COBL: variants seen among roughly 807,000 people sequenced by gnomAD.
COBL encodes the protein cordon-bleu WH2 repeat protein.
COBL carries 51 observed loss-of-function variants against 98.8 expected under a neutral mutation model. The ratio of observed to expected loss-of-function variants is 0.52; its 90% CI spans 0.41 to 0.65. The LOEUF (loss-of-function observed/expected upper bound fraction) is 0.65, where lower values mean the gene tolerates loss of function less well. Among genes scored for constraint, COBL ranks in the 30% least tolerant of loss-of-function variants. The pLI is 0.00. For synonymous variants in COBL, 634 were observed against 651.7 expected, an observed-to-expected ratio of 0.97 and a Z score of 0.41; for missense variants, 1,617 against 1,617.5, an observed-to-expected ratio of 1.00 and a Z score of 0.01.
At chr7:51,301,581 G>C (rs1055322011) in intron 1 of COBL, among the ~76,000 whole-genome samples, 1 of 152,240 alleles carries the variant, frequency 6.6e-6, no homozygotes, top group African/African-American at 2.4e-5. Flanking sequence ...ACACCTGAGT[G>C]TCGGTCTAAT....
intron 5 of COBL, among the ~76,000 whole-genome samples, chr7:51,145,593 G>A (rs1440661619): frequency 2.0e-5 from 3 of 151,758 alleles, no homozygotes; most frequent in African/African-American, 7.3e-5. Flanking sequence ...TGGCTAGGCT[G>A]GTGTCAAACT....
intron 1 of COBL, among the ~76,000 whole-genome samples, chr7:51,285,456 C>T (rs1800268877): frequency 6.7e-6 from 1 of 150,032 alleles, no homozygotes; most frequent in South Asian, 2.1e-4. Flanking sequence ...AGTCAACACA[C>T]AAAAATCAAG....
chr7:51,043,535 A>G lies in COBL; in HGVS notation c.1254T>C (p.Ser418=). The G allele has an allele frequency of 6.2e-7, 1 of 1,614,176 alleles. No individual in the cohort carries two copies. The highest frequency in any genetic ancestry group is 8.5e-7 in the Non-Finnish European group (1 of 1,180,028). ...TCATGCTGTCCTGCTGCGAGTCCAG[A>G]GAGACGATGTCTGAGGGGGAACTCA... The part of the protein sequence containing the change: ...GVMSSPSDIV[S]LDSQQDSMKY... Residue 418 remains serine, a synonymous_variant, in exon 8 of 13, where the codon TCT becomes TCC. Transcript: ENST00000265136.
chr7:51,034,621 A>G (rs1253861404), intron 8 of COBL: 1 of 152,236 alleles, frequency 6.6e-6, no homozygotes, highest in African/African-American at 2.4e-5. Context: ...TCTCTTTGCA[A>G]AACCACCAGA....
chr7:51,126,638 A>G (rs1340400620), intron 6 of COBL, among the ~76,000 whole-genome samples: 2 of 152,146 alleles, frequency 1.3e-5, no homozygotes, highest in Non-Finnish European at 2.9e-5. Flanking sequence ...TCTCATTCAC[A>G]GTCCATGGCA....
chr7:51,098,348 C>T (rs1043891328), intron 6 of COBL, among the ~76,000 whole-genome samples: 6 of 151,712 alleles, frequency 4.0e-5, no homozygotes, highest in Non-Finnish European at 8.8e-5. Flanking sequence ...GGAAGCCTCA[C>T]ACTTTCTGGT....
chr7:51,023,975 A>G (rs1160641709), intron 12 of COBL, among the ~76,000 whole-genome samples: 1 of 152,214 alleles, frequency 6.6e-6, no homozygotes, highest in Admixed American at 6.5e-5. Context: ...CTTGGGTACA[A>G]GTGAAAACAT....
At chr7:51,247,303 C>T (rs1228475682) in intron 1 of COBL, among the ~76,000 whole-genome samples, 1 of 152,170 alleles carries the variant, frequency 6.6e-6, no homozygotes. Flanking sequence ...GGTGCTGTCT[C>T]TTCATGTTAC....
intron 2 of COBL, among the ~76,000 whole-genome samples, chr7:51,215,881 AC>A (rs1459985099): frequency 6.6e-6 from 1 of 152,230 alleles, no homozygotes; most frequent in Non-Finnish European, 1.5e-5. Flanking sequence ...TACAGAAGGA[AC>A]ATGGAGACCC....
At chr7:51,142,304 C>T (rs925268505) in intron 5 of COBL, among the ~76,000 whole-genome samples, 1 of 151,712 alleles carries the variant, frequency 6.6e-6, no homozygotes, top group Non-Finnish European at 1.5e-5. Context: ...TACCGTGTCA[C>T]ACAAGCTCTC....
At chr7:51,141,554 A>C (rs919926375) in intron 5 of COBL, among the ~76,000 whole-genome samples, 3 of 152,178 alleles carry the variant, frequency 2.0e-5, no homozygotes, top group African/African-American at 7.2e-5. Context: ...TAGAAAGATG[A>C]AACTAGAAAT....
At chr7:51,055,395 T>A (rs1258851558) in intron 7 of COBL, among the ~76,000 whole-genome samples, 1 of 152,314 alleles carries the variant, frequency 6.6e-6, no homozygotes, top group East Asian at 1.9e-4. Context: ...TTAGTGAAGA[T>A]TAAACGAGAC....
intron 6 of COBL, among the ~76,000 whole-genome samples, chr7:51,101,494 G>T (rs1795800820): frequency 6.6e-6 from 1 of 152,230 alleles, no homozygotes; most frequent in East Asian, 1.9e-4. Flanking sequence ...TAAGTGAGCA[G>T]AGTGAGGATT....
chr7:51,203,657 T>C (rs1324260598), intron 2 of COBL, among the ~76,000 whole-genome samples: 2 of 151,710 alleles, frequency 1.3e-5, no homozygotes, highest in East Asian at 1.9e-4. Context: ...TTCCTCGACA[T>C]GTACCAAAAT....
chr7:51,127,856 G>T (rs1798373897), intron 6 of COBL, among the ~76,000 whole-genome samples: 1 of 152,138 alleles, frequency 6.6e-6, no homozygotes, highest in South Asian at 2.1e-4. Flanking sequence ...ACACAAAATG[G>T]TAATACCACT....
chr7:51,089,324 G>A (rs962936152), intron 6 of COBL, among the ~76,000 whole-genome samples: 1 of 151,998 alleles, frequency 6.6e-6, no homozygotes, highest in Admixed American at 6.6e-5. Flanking sequence ...AGACCAGCCT[G>A]GTCAACATGG....
chr7:51,044,480 C>G (rs964399450), intron 7 of COBL, among the ~76,000 whole-genome samples: 1 of 152,128 alleles, frequency 6.6e-6, no homozygotes, highest in Non-Finnish European at 1.5e-5. Context: ...ATCACAGAAG[C>G]CTCTATGCAA....
At chr7:51,197,769 C>A (rs149535026) in intron 2 of COBL, among the ~76,000 whole-genome samples, 1 of 152,186 alleles carries the variant, frequency 6.6e-6, no homozygotes, top group African/African-American at 2.4e-5. Context: ...TTATGTAATG[C>A]CCTTCTTTGT....
chr7:51,213,120 G>GC (rs1484572227), intron 2 of COBL, among the ~76,000 whole-genome samples: 3 of 152,192 alleles, frequency 2.0e-5, no homozygotes, highest in Non-Finnish European at 2.9e-5. Flanking sequence ...CCACTCTGTG[G>GC]CCCTAAGCTC....
Sources: allele counts gnomAD v4.1 joint callset (sites outside exome capture counted in the v4.1 genomes callset), GRCh38; gene constraint gnomAD v4.1.1; transcripts MANE v1.5; gene names NCBI Gene and HGNC (gene_info 2026-07-23, HGNC 2026-07-21).